SEMA6D: variants seen among roughly 807,000 people sequenced by gnomAD.
SEMA6D encodes semaphorin 6D, also known as semaphorin-6D.
A neutral mutation model predicts 106.6 loss-of-function variants in SEMA6D; 35 were observed. That is an observed-to-expected ratio of 0.33 (90% CI 0.25 to 0.44). The LOEUF is 0.44. Among genes scored for constraint, SEMA6D ranks in the 20% least tolerant of loss-of-function variants. The pLI is 1.00. For synonymous variants in SEMA6D, 499 were observed against 487.7 expected, an observed-to-expected ratio of 1.02 and a Z score of -0.31; for missense variants, 1,185 against 1,345.9, an observed-to-expected ratio of 0.88 and a Z score of 1.87.
intron 1 of SEMA6D, among the ~76,000 whole-genome samples, chr15:47,411,132 G>T (rs1311657845): frequency 6.6e-6 from 1 of 151,966 alleles, no homozygotes; most frequent in African/African-American, 2.4e-5. Flanking sequence ...GTCTCACTCT[G>T]TTGCCCAGGC....
At chr15:47,256,931 C>T (rs976124439) in intron 1 of SEMA6D, among the ~76,000 whole-genome samples, 5 of 152,124 alleles carry the variant, frequency 3.3e-5, no homozygotes, top group Middle Eastern at 3.2e-3. Flanking sequence ...TGTATTCCAT[C>T]ATGTCATTTG....
chr15:47,581,037 A>G (rs2076245984), intron 3 of SEMA6D, among the ~76,000 whole-genome samples: 1 of 152,140 alleles, frequency 6.6e-6, no homozygotes, highest in African/African-American at 2.4e-5. Flanking sequence ...ACAACTGTTG[A>G]TCCATTTTCA....
At chr15:47,416,275 G>A (rs1010990785) in intron 2 of SEMA6D, among the ~76,000 whole-genome samples, 1 of 151,978 alleles carries the variant, frequency 6.6e-6, no homozygotes, top group African/African-American at 2.4e-5. Flanking sequence ...CTACCAATTT[G>A]TTCTCCCAAG....
intron 4 of SEMA6D, among the ~76,000 whole-genome samples, chr15:47,643,354 C>T (rs1434877277): frequency 4.0e-5 from 6 of 150,374 alleles, no homozygotes; most frequent in Non-Finnish European, 8.9e-5. Flanking sequence ...AGTGTAGACT[C>T]TCAGTGTCTG....
At chr15:47,411,281 G>C (rs1765947106) in intron 1 of SEMA6D, among the ~76,000 whole-genome samples, 1 of 152,010 alleles carries the variant, frequency 6.6e-6, no homozygotes, top group Non-Finnish European at 1.5e-5. Context: ...ATTTTTAGCA[G>C]AGACGGGGTT....
At chr15:47,421,040 G>A (rs2041137023) in intron 2 of SEMA6D, among the ~76,000 whole-genome samples, 2 of 152,020 alleles carry the variant, frequency 1.3e-5, no homozygotes, top group Admixed American at 1.3e-4. Context: ...TAATATGTTT[G>A]GACTTTTTAT....
intron 3 of SEMA6D, among the ~76,000 whole-genome samples, chr15:47,544,922 G>A (rs2045470792): frequency 6.6e-6 from 1 of 152,092 alleles, no homozygotes; most frequent in Admixed American, 6.6e-5. Flanking sequence ...TGATCAATAA[G>A]TGGAAATAAC....
At chr15:47,625,461 G>T (rs2077184638) in intron 4 of SEMA6D, among the ~76,000 whole-genome samples, 1 of 152,114 alleles carries the variant, frequency 6.6e-6, no homozygotes, top group Non-Finnish European at 1.5e-5. Flanking sequence ...ACAGGACTGG[G>T]TGCGATGGCA....
At chr15:47,234,768 C>T (rs1456776020) in intron 1 of SEMA6D, among the ~76,000 whole-genome samples, 2 of 152,016 alleles carry the variant, frequency 1.3e-5, no homozygotes, top group Non-Finnish European at 2.9e-5. Context: ...CTTAGGTTGG[C>T]TCCATATCTT....
At chr15:47,685,022 A>T (rs1157220291) in intron 4 of SEMA6D, among the ~76,000 whole-genome samples, 1 of 152,188 alleles carries the variant, frequency 6.6e-6, no homozygotes, top group Admixed American at 6.5e-5. Context: ...GAAGAGGAGG[A>T]AAGAGTGGAC....
intron 4 of SEMA6D, among the ~76,000 whole-genome samples, chr15:47,617,138 C>A (rs921990908): frequency 6.6e-6 from 1 of 152,152 alleles, no homozygotes; most frequent in Non-Finnish European, 1.5e-5. Flanking sequence ...TAGTCAAGTT[C>A]AGTCAAGATT....
intron 3 of SEMA6D, among the ~76,000 whole-genome samples, chr15:47,558,249 G>A (rs1467534743): frequency 6.6e-6 from 1 of 152,056 alleles, no homozygotes; most frequent in African/African-American, 2.4e-5. Context: ...AACCAAGGTT[G>A]AGCTTTATTC....
At chr15:47,223,089 A>AGGACTAGCT (rs1202623243) in intron 1 of SEMA6D, among the ~76,000 whole-genome samples, 1 of 150,320 alleles carries the variant, frequency 6.7e-6, no homozygotes, top group Admixed American at 6.7e-5. Flanking sequence ...CCTGAGAGGC[A>AGGACTAGCT]GAGCCAGAGT....
chr15:47,552,894 A>ATGTATATATATT (rs2045793929), intron 3 of SEMA6D, among the ~76,000 whole-genome samples: 2 of 100,454 alleles, frequency 2.0e-5, no homozygotes, highest in Non-Finnish European at 3.6e-5. Flanking sequence ...ATATATAAAT[A>ATGTATATATATT]TATATATATA....
At chr15:47,560,067 T>C (rs1406273960) in intron 3 of SEMA6D, among the ~76,000 whole-genome samples, 2 of 152,052 alleles carry the variant, frequency 1.3e-5, no homozygotes, top group Non-Finnish European at 2.9e-5. Flanking sequence ...TGTAAATTAC[T>C]AAACAAACAA....
chr15:47,758,447 G>A (rs898687686), intron 1 of SEMA6D, among the ~76,000 whole-genome samples: 8 of 152,130 alleles, frequency 5.3e-5, no homozygotes, highest in Non-Finnish European at 1.0e-4. Context: ...TTGGTTGAGG[G>A]GGGGGTGTTA....
At chr15:47,597,233 G>A (rs1343310722) in intron 3 of SEMA6D, among the ~76,000 whole-genome samples, 3 of 152,118 alleles carry the variant, frequency 2.0e-5, no homozygotes, top group Non-Finnish European at 4.4e-5. Context: ...ATATTGGCGA[G>A]GATGGGGGAA....
At chr15:47,382,639 T>C (rs2039683243) in intron 1 of SEMA6D, among the ~76,000 whole-genome samples, 1 of 152,218 alleles carries the variant, frequency 6.6e-6, no homozygotes, top group Non-Finnish European at 1.5e-5. Flanking sequence ...AGGTAGAATA[T>C]AGACATGGCT....
At chr15:47,627,411 G>T (rs2077221994) in intron 4 of SEMA6D, among the ~76,000 whole-genome samples, 1 of 152,070 alleles carries the variant, frequency 6.6e-6, no homozygotes, top group Admixed American at 6.6e-5. Context: ...TTTGGCCAAG[G>T]TTAAAATTCT....
Sources: gnomAD v4.1 joint callset for allele counts (sites outside exome capture counted in the v4.1 genomes callset) on GRCh38, gnomAD v4.1.1 for gene constraint, MANE v1.5 for transcripts, NCBI Gene and HGNC (gene_info 2026-07-23, HGNC 2026-07-21) for gene names.